The following AKT3 variants were observed in gnomAD, a reference collection of about 807,000 sequenced individuals.
AKT3 encodes RAC-gamma serine/threonine-protein kinase.
In AKT3, 15 loss-of-function variants were observed where a neutral mutation model predicts 65.3. The observed-to-expected ratio is 0.23, with a 90% CI of 0.15 to 0.35. The LOEUF (loss-of-function observed/expected upper bound fraction) is 0.35. Ranked by LOEUF, AKT3 falls within the 10% of genes least tolerant of loss-of-function variation. AKT3 has a pLI of 1.00. For synonymous variants in AKT3, 206 were observed against 183.8 expected, an observed-to-expected ratio of 1.12 and a Z score of -0.98; for missense variants, 243 against 576.5, an observed-to-expected ratio of 0.42 and a Z score of 5.92.
At chr1:243,845,588 C>CAAAAAAAAAAAAAAAAAAAAAA (rs10648820) in intron 1 of AKT3, among the ~76,000 whole-genome samples, 6 of 79,322 alleles carry the variant, frequency 7.6e-5, no homozygotes, top group Non-Finnish European at 1.2e-4. Context: ...GAACCTGTCT[C>CAAAAAAAAAAAAAAAAAAAAAA]AAAAAAAAAA....
At chr1:243,771,127 A>C (rs1327934488) in intron 2 of AKT3, among the ~76,000 whole-genome samples, 1 of 152,176 alleles carries the variant, frequency 6.6e-6, no homozygotes, top group Non-Finnish European at 1.5e-5. Context: ...GCAGACCACG[A>C]ATGTTCTTGT....
At chr1:243,551,437 T>C (rs1205610694) in intron 11 of AKT3, among the ~76,000 whole-genome samples, 1 of 152,192 alleles carries the variant, frequency 6.6e-6, no homozygotes, top group South Asian at 2.1e-4. Flanking sequence ...TTTTATTATG[T>C]TTGCTTATTT....
chr1:243,644,354 T>C (rs549578742), intron 5 of AKT3, among the ~76,000 whole-genome samples: 3 of 152,296 alleles, frequency 2.0e-5, no homozygotes, highest in African/African-American at 7.2e-5. Flanking sequence ...AGTAGAACTT[T>C]ACTATCACAA....
chr1:243,849,386 A>ACCCCCCCCCCCCCCCCCCC (rs57424400), intron 1 of AKT3, among the ~76,000 whole-genome samples: 20 of 107,018 alleles, frequency 1.9e-4, no homozygotes, highest in South Asian at 3.4e-4. Context: ...CCACACACAC[A>ACCCCCCCCCCCCCCCCCCC]CCCCCCCCCC....
At chr1:243,752,801 T>C (rs759552915) in intron 2 of AKT3, among the ~76,000 whole-genome samples, 2 of 152,176 alleles carry the variant, frequency 1.3e-5, no homozygotes, top group Admixed American at 6.5e-5. Context: ...ACAGTACTAG[T>C]TAGTTTAACA....
At chr1:243,704,114 A>T (rs1417839242) in intron 2 of AKT3, among the ~76,000 whole-genome samples, 1 of 152,186 alleles carries the variant, frequency 6.6e-6, no homozygotes, top group African/African-American at 2.4e-5. Context: ...GTCTGTGAAA[A>T]TTGAGCAATG....
At chr1:243,494,236 C>G (rs1046588572) in intron 13 of AKT3, among the ~76,000 whole-genome samples, 1 of 151,934 alleles carries the variant, frequency 6.6e-6, no homozygotes, top group Non-Finnish European at 1.5e-5. Flanking sequence ...TTGTTTTTAT[C>G]CTGATTTTCA....
At chr1:243,776,893 T>A (rs1158831680) in intron 2 of AKT3, among the ~76,000 whole-genome samples, 1 of 152,170 alleles carries the variant, frequency 6.6e-6, no homozygotes, top group Non-Finnish European at 1.5e-5. Context: ...AGTAGTATAG[T>A]CAAACACATG....
intron 2 of AKT3, among the ~76,000 whole-genome samples, chr1:243,802,006 G>A (rs1421259710): frequency 1.1e-4 from 16 of 152,070 alleles, no homozygotes. Flanking sequence ...AATAGTGGGG[G>A]CTAATATATA....
intron 8 of AKT3, among the ~76,000 whole-genome samples, chr1:243,610,088 C>T (rs879413555): frequency 6.6e-6 from 1 of 152,284 alleles, no homozygotes; most frequent in Admixed American, 6.5e-5. Flanking sequence ...AGAGTGCCTT[C>T]CACAAAGACT....
At chr1:243,797,513 T>A (rs570569175) in intron 2 of AKT3, among the ~76,000 whole-genome samples, 29 of 152,298 alleles carry the variant, frequency 1.9e-4, no homozygotes, top group Middle Eastern at 3.4e-3. Flanking sequence ...ATCTTGGGAT[T>A]CTCAGACATT....
intron 4 of AKT3, 52 bp downstream of exon 4, chr1:243,664,720 C>G (rs1352425135): frequency 1.2e-6 from 1 of 852,542 alleles, no homozygotes; most frequent in Non-Finnish European, 1.8e-6. Context: ...ACAAATACAT[C>G]TTTAGATTGA....
chr1:243,564,407 AAAGAAT>A (rs1558618356), intron 9 of AKT3, among the ~76,000 whole-genome samples: 1 of 152,216 alleles, frequency 6.6e-6, no homozygotes, highest in Non-Finnish European at 1.5e-5. Context: ...ATAAAAAGAA[AAAGAAT>A]ATCAAAGTCA....
Position 243,493,463 on chromosome 1 carries a change from G to C in AKT3, c.*7-5013C>G, listed in dbSNP as rs149265228. 3.7e-4 allele frequency among the ~76,000 whole-genome samples: 56 copies of C among 152,284 alleles called. No individual in the cohort carries two copies. The East Asian group carries it at 8.7e-3, about 24-fold the overall frequency. ...AGAGGATGGTCTCAACCATCAAGATGATTTTCTGTGTCTGCTTTCTTATTT... is the reference window on the plus strand; with the variant it reads ...AGAGGATGGTCTCAACCATCAAGATCATTTTCTGTGTCTGCTTTCTTATTT... On this transcript the variant is annotated intron_variant, in intron 13 of 13. Coordinates refer to the AKT3 transcript ENST00000336199.
At chr1:243,623,629 G>A (rs1028205194) in intron 6 of AKT3, among the ~76,000 whole-genome samples, 1 of 152,054 alleles carries the variant, frequency 6.6e-6, no homozygotes, top group Non-Finnish European at 1.5e-5. Context: ...TGGACTCCAG[G>A]CTTTATACCA....
chr1:243,625,707 A>G (rs1679108935), intron 6 of AKT3, among the ~76,000 whole-genome samples: 1 of 152,202 alleles, frequency 6.6e-6, no homozygotes, highest in Non-Finnish European at 1.5e-5. Context: ...ACTGGTATTC[A>G]TCGGGTTCCT....
intron 5 of AKT3, among the ~76,000 whole-genome samples, chr1:243,642,493 T>G (rs575495233): frequency 2.0e-4 from 30 of 152,194 alleles, no homozygotes; most frequent in African/African-American, 7.2e-4. Context: ...GTATTTTTAG[T>G]AGAGACGGGG....
At chr1:243,551,950 C>T (rs566984270) in intron 11 of AKT3, among the ~76,000 whole-genome samples, 60 of 152,144 alleles carry the variant, frequency 3.9e-4, no homozygotes, top group African/African-American at 1.4e-3. Context: ...TTTTTGCCAT[C>T]AACTCTTTCA....
intron 3 of AKT3, among the ~76,000 whole-genome samples, chr1:243,674,408 G>A (rs755171107): frequency 7.9e-5 from 12 of 151,760 alleles, no homozygotes; most frequent in Non-Finnish European, 3.0e-5. Context: ...TTGACATAAC[G>A]CAATATGAAG....
Sources: gnomAD v4.1 joint callset for allele counts (sites outside exome capture counted in the v4.1 genomes callset) on GRCh38, gnomAD v4.1.1 for gene constraint, MANE v1.5 for transcripts, NCBI Gene and HGNC (gene_info 2026-07-23, HGNC 2026-07-21) for gene names.